MYO3B: variants seen among roughly 807,000 people sequenced by gnomAD.
MYO3B encodes the protein myosin IIIB, also known as myosin-IIIb.
Under a neutral mutation model 174.6 loss-of-function variants are expected in MYO3B, and 156 were observed. That is an observed-to-expected ratio of 0.89 (90% CI 0.78 to 1.02). MYO3B has a LOEUF of 1.02. MYO3B is among the 50% of genes least tolerant of loss of function. The pLI is 0.00. For missense variants in MYO3B, 1,632 were observed against 1,639.4 expected, an observed-to-expected ratio of 1.00 and a Z score of 0.08; for synonymous variants, 563 against 569.1, an observed-to-expected ratio of 0.99 and a Z score of 0.15.
intron 32 of MYO3B, among the ~76,000 whole-genome samples, chr2:170,560,738 C>A (rs1029531731): frequency 6.6e-6 from 1 of 152,150 alleles, no homozygotes; most frequent in Non-Finnish European, 1.5e-5. Flanking sequence ...TGGATACACA[C>A]CCACTGTAAA....
rs532528256 is a variant in MYO3B at position 170,403,138 on chromosome 2, C to T, written c.2277+143C>T. On this transcript the variant is annotated intron_variant, in intron 19 of 34. Transcript: ENST00000408978. ...GGTAAGGCAGTCCTGGCTAAATAGT[C>T]TAAATTTGTCTGGAAAAGGTCTCGA... 2.8e-4 allele frequency: 196 copies of T among 711,208 alleles called. 1 individual carries two copies. Among genetic ancestry groups the T allele is most frequent in the Non-Finnish European group, 3.8e-4 (184 of 485,196 alleles). 44.1% of individuals were successfully genotyped at this position (711,208 alleles called of 1,614,324 possible).
intron 32 of MYO3B, among the ~76,000 whole-genome samples, chr2:170,591,218 T>C (rs1027484913): frequency 2.0e-5 from 3 of 152,220 alleles, no homozygotes; most frequent in African/African-American, 7.2e-5. Flanking sequence ...AGCGGATTCC[T>C]GTGGACTTAA....
At chr2:170,432,691 G>C (rs765287588) in intron 22 of MYO3B, among the ~76,000 whole-genome samples, 23 of 151,520 alleles carry the variant, frequency 1.5e-4, no homozygotes, top group South Asian at 2.1e-4. Flanking sequence ...ATTCTCCTGC[G>C]TCAGCCTCCC....
At chr2:170,534,099 C>T (rs899943741) in intron 30 of MYO3B, among the ~76,000 whole-genome samples, 3 of 152,354 alleles carry the variant, frequency 2.0e-5, no homozygotes, top group Non-Finnish European at 2.9e-5. Flanking sequence ...CTTCATTACA[C>T]TTCACAGATG....
intron 32 of MYO3B, among the ~76,000 whole-genome samples, chr2:170,645,134 A>G (rs914767055): frequency 2.0e-4 from 31 of 152,194 alleles, no homozygotes; most frequent in African/African-American, 7.5e-4. Flanking sequence ...CCACTTTGAG[A>G]ATATGAGCAT....
intron 16 of MYO3B, among the ~76,000 whole-genome samples, chr2:170,393,232 TGC>T (rs1338450357): frequency 1.3e-5 from 2 of 151,814 alleles, no homozygotes; most frequent in African/African-American, 4.8e-5. Flanking sequence ...TACAGGTGTG[TGC>T]CACCACACCT....
At chr2:170,298,383 A>G (rs1008916908) in intron 7 of MYO3B, among the ~76,000 whole-genome samples, 1 of 152,160 alleles carries the variant, frequency 6.6e-6, no homozygotes, top group Non-Finnish European at 1.5e-5. Context: ...GAACTTTAAA[A>G]GTTGAATTTC....
At chr2:170,202,723 A>G (rs1202991607) in intron 3 of MYO3B, among the ~76,000 whole-genome samples, 1 of 152,178 alleles carries the variant, frequency 6.6e-6, no homozygotes, top group Non-Finnish European at 1.5e-5. Flanking sequence ...GATGGTCCAC[A>G]TAGTACCCTA....
At chr2:170,235,664 T>C (rs2093061850) in intron 6 of MYO3B, among the ~76,000 whole-genome samples, 1 of 152,216 alleles carries the variant, frequency 6.6e-6, no homozygotes, top group Admixed American at 6.5e-5. Flanking sequence ...GTGAAGGATG[T>C]AGACAAAGCC....
rs188647121 is a variant in MYO3B at position 170,223,152 on chromosome 2, G to A, written c.603+5757G>A. Among the ~76,000 whole-genome samples the A allele has an allele frequency of 3.4e-4, 52 of 151,934 alleles. No homozygotes were observed. In the East Asian group the frequency reaches 8.5e-3, roughly 25 times the overall value. On this transcript the variant is annotated intron_variant, in intron 6 of 34. Transcript: ENST00000408978. ...ATTTTTAAAATTATTATTATCTCCTGAGATGTTTGGCCAGCTCATAGTCAC... is the reference window on the plus strand; with the variant it reads ...ATTTTTAAAATTATTATTATCTCCTAAGATGTTTGGCCAGCTCATAGTCAC...
At chr2:170,301,927 C>T (rs1016970957) in intron 7 of MYO3B, among the ~76,000 whole-genome samples, 6 of 131,160 alleles carry the variant, frequency 4.6e-5, no homozygotes, top group Non-Finnish European at 7.8e-5. Context: ...TTCTCAGTCA[C>T]TGGCTTGATA....
chr2:170,481,438 G>A (rs1467429808), intron 25 of MYO3B, among the ~76,000 whole-genome samples: 1 of 152,172 alleles, frequency 6.6e-6, no homozygotes, highest in African/African-American at 2.4e-5. Context: ...AGCAGAGTGT[G>A]GTCTGGCACA....
At chr2:170,553,846 C>T (rs1450027387) in intron 32 of MYO3B, among the ~76,000 whole-genome samples, 3 of 152,156 alleles carry the variant, frequency 2.0e-5, no homozygotes, top group African/African-American at 2.4e-5. Flanking sequence ...TTCCCCCTTG[C>T]TGTTCTCATG....
At position 170,459,577 on chromosome 2, in the gene MYO3B, A is replaced by G. The variant is rs114192119; in HGVS notation, c.2731-3791A>G. Reference sequence around the variant, plus strand: ...CCCAGGAGCCCAGTTGGCTTTGCCTACTGGATCCTGCTGCAGGTGGAGCTG... The same window carrying G: ...CCCAGGAGCCCAGTTGGCTTTGCCTGCTGGATCCTGCTGCAGGTGGAGCTG... On this transcript the variant is annotated intron_variant, in intron 23 of 34. Transcript: ENST00000408978. Among the ~76,000 whole-genome samples, 123 of 152,276 alleles carry G rather than the reference A, an allele frequency of 8.1e-4. 1 individual carries two copies. Among genetic ancestry groups the G allele is most frequent in the African/African-American group, 2.8e-3 (116 of 41,568 alleles).
intron 30 of MYO3B, among the ~76,000 whole-genome samples, chr2:170,533,183 A>G (rs886075597): frequency 2.6e-5 from 4 of 152,074 alleles, no homozygotes; most frequent in African/African-American, 9.7e-5. Flanking sequence ...CGGCTGTGAC[A>G]TTGCTGACTA....
chr2:170,311,965 T>A (rs2105471487), intron 7 of MYO3B, among the ~76,000 whole-genome samples: 1 of 152,376 alleles, frequency 6.6e-6, no homozygotes, highest in East Asian at 1.9e-4. Flanking sequence ...TGTACGTCGC[T>A]TCTTATGCCG....
At chr2:170,649,717 C>T (rs1234223117) in intron 32 of MYO3B, among the ~76,000 whole-genome samples, 1 of 149,028 alleles carries the variant, frequency 6.7e-6, no homozygotes, top group East Asian at 2.0e-4. Context: ...ATCCCAGCTA[C>T]TTGGGAGGCT....
chr2:170,401,542 G>C lies in MYO3B; in HGVS notation c.1980G>C (p.Val660=). Reference sequence around the variant, plus strand: ...AGGAGGCCCTCACCTCCCACTGTGTGGTCACCCGGGGCGAGACCATCATCC... The same window carrying C: ...AGGAGGCCCTCACCTCCCACTGTGTCGTCACCCGGGGCGAGACCATCATCC... ...ELQEALTSHC[V]VTRGETIIRA... is the part of the protein sequence containing the mutation. The change falls in exon 18 of 35, where the codon GTG becomes GTC. Residue 660 remains valine, a synonymous_variant. Coordinates refer to ENST00000408978, the MANE Select transcript of MYO3B (RefSeq NM_138995.5). 6.2e-7 allele frequency: 1 copy of C among 1,614,152 alleles called. No individual in the cohort carries two copies. Among genetic ancestry groups the C allele is most frequent in the Non-Finnish European group, 8.5e-7 (1 of 1,180,012 alleles).
chr2:170,526,709 A>G lies in MYO3B; in HGVS notation c.3575+7169A>G, dbSNP rs571734090. ...ATATTAATTGGTCACGTGTATTTTCAAAACCTTTTTGAAGGCAGAAACCTT... is the reference window on the plus strand; with the variant it reads ...ATATTAATTGGTCACGTGTATTTTCGAAACCTTTTTGAAGGCAGAAACCTT... On this transcript the variant is annotated intron_variant, in intron 30 of 34. Coordinates refer to ENST00000408978, the MANE Select transcript of MYO3B (RefSeq NM_138995.5). Among the ~76,000 whole-genome samples, 244 of 152,354 alleles carry G rather than the reference A, an allele frequency of 1.6e-3. 1 individual carries two copies. Among genetic ancestry groups the G allele is most frequent in the Non-Finnish European group, 2.8e-3 (189 of 68,026 alleles).
Sources: allele counts gnomAD v4.1 joint callset (sites outside exome capture counted in the v4.1 genomes callset), GRCh38; gene constraint gnomAD v4.1.1; transcripts MANE v1.5; gene names NCBI Gene and HGNC (gene_info 2026-07-23, HGNC 2026-07-21).